FLRT2: variants seen among roughly 807,000 people sequenced by gnomAD.
FLRT2 encodes the protein fibronectin leucine rich transmembrane protein 2.
FLRT2 carries 15 observed loss-of-function variants against 40.0 expected under a neutral mutation model. The ratio of observed to expected loss-of-function variants is 0.38; its 90% CI spans 0.25 to 0.58. The LOEUF is 0.58. FLRT2 is among the 20% of genes least tolerant of loss of function. The pLI is 0.71. For synonymous variants in FLRT2, 380 were observed against 336.8 expected, an observed-to-expected ratio of 1.13 and a Z score of -1.41; for missense variants, 726 against 840.0, an observed-to-expected ratio of 0.86 and a Z score of 1.68.
chr14:85,588,539 C>T (rs1479279014), intron 1 of FLRT2, among the ~76,000 whole-genome samples: 3 of 151,214 alleles, frequency 2.0e-5, no homozygotes, highest in Non-Finnish European at 4.4e-5. Context: ...TGTTTTGATA[C>T]AGGCATGCAA....
intron 1 of FLRT2, among the ~76,000 whole-genome samples, chr14:85,549,488 T>G (rs2139822356): frequency 6.6e-6 from 1 of 152,300 alleles, no homozygotes; most frequent in East Asian, 1.9e-4. Flanking sequence ...GCAAAGAGTC[T>G]GAGGGGAATA....
At chr14:85,604,216 G>T (rs1482132527) in intron 1 of FLRT2, among the ~76,000 whole-genome samples, 2 of 152,122 alleles carry the variant, frequency 1.3e-5, no homozygotes, top group Non-Finnish European at 2.9e-5. Context: ...CTTTCATGCT[G>T]GTGGGTGGCA....
Position 85,649,944 on chromosome 14 carries a change from T to C in FLRT2, c.*26447T>C, listed in dbSNP as rs1383364145. ...TTTCATTATTTTTTATTAGAAAATA[T>C]TTTAATAACACAAGAAAGTAAAGAA... is the stretch of plus-strand genomic sequence containing the variant. On this transcript the variant is annotated 3_prime_UTR_variant, in exon 2 of 2. Coordinates refer to ENST00000330753, the MANE Select transcript of FLRT2 (RefSeq NM_013231.6). 1 of 152,072 alleles carries C rather than the reference T, an allele frequency of 6.6e-6. No individual in the cohort carries two copies. Among genetic ancestry groups the C allele is most frequent in the Non-Finnish European group, 1.5e-5 (1 of 67,956 alleles). 9.4% of individuals were successfully genotyped at this position (152,072 alleles called of 1,614,324 possible).
Position 85,622,784 on chromosome 14 carries a change from C to A in FLRT2, c.1270C>A (p.Arg424=), listed in dbSNP as rs540955201. The part of the protein sequence containing the change: ...RERVTPPISE[R]IQLSIHFVND... ...AAGAGTGACCCCACCTATTTCTGAA[C>A]GGATCCAGCTCTCTATCCATTTTGT... The change falls in exon 2 of 2, where the codon CGG becomes AGG. Residue 424 remains arginine, a synonymous_variant. Transcript: ENST00000330753. 2.5e-6 allele frequency: 4 copies of A among 1,614,154 alleles called. No individual in the cohort carries two copies. The East Asian group carries it at 8.9e-5, about 36-fold the overall frequency.
At position 85,639,967 on chromosome 14, in the gene FLRT2, G is replaced by T. The variant is rs1474903565; in HGVS notation, c.*16470G>T. 6.7e-6 allele frequency: 1 copy of T among 148,604 alleles called. No individual in the cohort carries two copies. Among genetic ancestry groups the T allele is most frequent in the Non-Finnish European group, 1.5e-5 (1 of 67,768 alleles). The allele number at this position is 148,604 out of a possible 1,614,324, so 9.2% of individuals were successfully genotyped here. A position where few individuals can be genotyped will look rare whatever the true frequency, so the allele number is the denominator to read the frequency against. On this transcript the variant is annotated 3_prime_UTR_variant, in exon 2 of 2. Transcript: ENST00000330753. ...GAGTTCACACCATTCTCCTGCCTCA[G>T]TCTCCCGAGTAGCTGGGACTACAGG...
At chr14:85,560,847 T>G (rs1029083916) in intron 1 of FLRT2, 7 of 152,088 alleles carry the variant, frequency 4.6e-5, no homozygotes, top group Admixed American at 6.6e-5. Flanking sequence ...TGTGAAAAAT[T>G]TTCTTTTCTT....
chr14:85,589,796 G>T (rs1490776239), intron 1 of FLRT2, among the ~76,000 whole-genome samples: 1 of 152,078 alleles, frequency 6.6e-6, no homozygotes, highest in Non-Finnish European at 1.5e-5. Flanking sequence ...ATATGGCAAG[G>T]GATACAGGTC....
At chr14:85,578,512 G>T (rs1279119120) in intron 1 of FLRT2, among the ~76,000 whole-genome samples, 4 of 152,064 alleles carry the variant, frequency 2.6e-5, no homozygotes, top group Non-Finnish European at 5.9e-5. Context: ...ATGGCTAAGT[G>T]CTGTCTCGGA....
rs1160333126 is a variant in FLRT2 at position 85,622,417 on chromosome 14, C to T, written c.903C>T (p.Asn301=). 1.2e-6 allele frequency: 2 copies of T among 1,614,142 alleles called. No homozygotes were observed. Among genetic ancestry groups the T allele is most frequent in the Admixed American group, 1.7e-5 (1 of 60,010 alleles). The change falls in exon 2 of 2, where the codon AAC becomes AAT. Residue 301 remains asparagine (N), a synonymous_variant. Coordinates refer to ENST00000330753, the MANE Select transcript of FLRT2 (RefSeq NM_013231.6). ...LTQGVFDNLS[N]LKQLTARNNP... is the part of the protein sequence containing the mutation. ...AAGGGGTTTTTGATAATCTCTCCAA[C>T]CTGAAGCAGCTCACTGCTCGGAATA... is the stretch of plus-strand genomic sequence containing the variant.
At chr14:85,558,980 A>G (rs1307813764) in intron 1 of FLRT2, among the ~76,000 whole-genome samples, 1 of 152,226 alleles carries the variant, frequency 6.6e-6, no homozygotes, top group Non-Finnish European at 1.5e-5. Context: ...TTAGTGTTCT[A>G]ATCAAATAAA....
intron 1 of FLRT2, among the ~76,000 whole-genome samples, chr14:85,572,731 C>T (rs559181078): frequency 7.9e-5 from 12 of 152,262 alleles, no homozygotes; most frequent in South Asian, 2.1e-4. Context: ...CAATACATTT[C>T]GTGTGTGCCT....
chr14:85,590,379 T>C (rs1465256630), intron 1 of FLRT2, among the ~76,000 whole-genome samples: 1 of 152,166 alleles, frequency 6.6e-6, no homozygotes, highest in Non-Finnish European at 1.5e-5. Context: ...TTTTTTCATC[T>C]GAGCATAAGA....
Position 85,622,012 on chromosome 14 carries a change from G to A in FLRT2, c.498G>A (p.Leu166=). 1 of 1,609,992 alleles carries A rather than the reference G, an allele frequency of 6.2e-7. No individual in the cohort carries two copies. The highest frequency in any genetic ancestry group is 1.1e-5 in the South Asian group (1 of 90,402). Residue 166 remains leucine, a synonymous_variant, in exon 2 of 2, where the codon TTG becomes TTA. Coordinates refer to ENST00000330753, the MANE Select transcript of FLRT2 (RefSeq NM_013231.6). Reference sequence around the variant, plus strand: ...CTATTAGCCTCAAATTGTTGTTTTTGTCTAAGAATCACCTGAGCAGTGTGC... The same window carrying A: ...CTATTAGCCTCAAATTGTTGTTTTTATCTAAGAATCACCTGAGCAGTGTGC... ...REAISLKLLF[L]SKNHLSSVPV...
intron 1 of FLRT2, among the ~76,000 whole-genome samples, chr14:85,599,879 G>A (rs1490172067): frequency 6.6e-6 from 1 of 152,090 alleles, no homozygotes; most frequent in Admixed American, 6.6e-5. Flanking sequence ...TCCAAGATCC[G>A]AATAAAAAGG....
At position 85,599,775 on chromosome 14, in the gene FLRT2, C is replaced by T. The variant is rs571392189; in HGVS notation, c.-376-21364C>T. On this transcript the variant is annotated intron_variant, in intron 1 of 1. Coordinates refer to ENST00000330753, the MANE Select transcript of FLRT2 (RefSeq NM_013231.6). ...TTTATCAGTTGATTAACAAATTATA[C>T]GTGTATTTTACAGGTGAAGAAACCA... 2.0e-4 allele frequency among the ~76,000 whole-genome samples: 31 copies of T among 151,546 alleles called. 1 individual carries two copies. The South Asian group carries it at 3.8e-3, about 18-fold the overall frequency.
rs772784441 is a variant in FLRT2, at chr14:85,640,196, T to C, written c.*16699T>C. 1 of 152,188 alleles carries C rather than the reference T, an allele frequency of 6.6e-6. No homozygotes were observed. The highest frequency in any genetic ancestry group is 1.5e-5 in the Non-Finnish European group (1 of 68,030). The allele number at this position is 152,188 out of a possible 1,614,324, so 9.4% of individuals were successfully genotyped here. Reference sequence around the variant, plus strand: ...TATTGTTATCTAACTACTTGACTAGTGTAGATTCTGCTGTGAGCTTGTGGT... The same window carrying C: ...TATTGTTATCTAACTACTTGACTAGCGTAGATTCTGCTGTGAGCTTGTGGT... On this transcript the variant is annotated 3_prime_UTR_variant, in exon 2 of 2. Coordinates refer to ENST00000330753, the MANE Select transcript of FLRT2 (RefSeq NM_013231.6).
Position 85,631,642 on chromosome 14 carries a change from A to G in FLRT2, c.*8145A>G, listed in dbSNP as rs1007416424. 1 of 152,302 alleles carries G rather than the reference A, an allele frequency of 6.6e-6. No homozygotes were observed. The highest frequency in any genetic ancestry group is 6.5e-5 in the Admixed American group (1 of 15,306). 9.4% of individuals were successfully genotyped at this position (152,302 alleles called of 1,614,324 possible). ...CAGTATGCGTTTTACAAGAACAAAC[A>G]AACATATATATTTTCCTTAAAATCT... On this transcript the variant is annotated 3_prime_UTR_variant, in exon 2 of 2. Transcript: ENST00000330753.
intron 1 of FLRT2, among the ~76,000 whole-genome samples, chr14:85,597,476 T>G (rs1434692983): frequency 6.6e-6 from 1 of 152,222 alleles, no homozygotes; most frequent in East Asian, 1.9e-4. Flanking sequence ...TGGCAAAGTC[T>G]GTGAGCTTAT....
chr14:85,533,805 C>A (rs1047978144), intron 1 of FLRT2, among the ~76,000 whole-genome samples: 14 of 151,572 alleles, frequency 9.2e-5, no homozygotes, highest in Admixed American at 4.6e-4. Context: ...AGGCGCGCGC[C>A]GCTCTGAGGC....
Sources: allele counts gnomAD v4.1 joint callset (sites outside exome capture counted in the v4.1 genomes callset), GRCh38; gene constraint gnomAD v4.1.1; transcripts MANE v1.5; gene names NCBI Gene and HGNC (gene_info 2026-07-23, HGNC 2026-07-21).